CREB5: variants seen among roughly 807,000 people sequenced by gnomAD.
CREB5 encodes the protein cyclic AMP-responsive element-binding protein 5.
CREB5 carries 19 observed loss-of-function variants against 57.1 expected under a neutral mutation model. The observed-to-expected ratio is 0.33, with a 90% CI of 0.23 to 0.49. The LOEUF (loss-of-function observed/expected upper bound fraction) is 0.49, where lower values mean the gene tolerates loss of function less well. Among genes scored for constraint, CREB5 ranks in the 20% least tolerant of loss-of-function variants. The pLI, the probability that CREB5 is intolerant of heterozygous loss-of-function variation, is 0.99. For synonymous variants in CREB5, 238 were observed against 238.3 expected, an observed-to-expected ratio of 1.00 and a Z score of 0.01; for missense variants, 579 against 671.6, an observed-to-expected ratio of 0.86 and a Z score of 1.52.
intron 1 of CREB5, among the ~76,000 whole-genome samples, chr7:28,352,564 C>A (rs7796544): frequency 0.24 from 36,832 of 152,058 alleles, 4,595 homozygotes; most frequent in African/African-American, 0.25. Flanking sequence ...TTGCTCAGCT[C>A]TTCTCAGTGT....
intron 5 of CREB5, among the ~76,000 whole-genome samples, chr7:28,649,801 A>C (rs1799053909): frequency 6.6e-6 from 1 of 152,200 alleles, no homozygotes; most frequent in Non-Finnish European, 1.5e-5. Flanking sequence ...TGAATAAATA[A>C]ATTATGTTTG....
At chr7:28,429,744 A>C (rs1318355070) in intron 1 of CREB5, among the ~76,000 whole-genome samples, 1 of 152,216 alleles carries the variant, frequency 6.6e-6, no homozygotes, top group Non-Finnish European at 1.5e-5. Flanking sequence ...ACTTTGTTGC[A>C]TTTCTGTGGA....
chr7:28,677,345 G>A (rs1408432008), intron 5 of CREB5, among the ~76,000 whole-genome samples: 1 of 152,024 alleles, frequency 6.6e-6, no homozygotes, highest in Non-Finnish European at 1.5e-5. Flanking sequence ...GCCCCACCTT[G>A]ACCTATATAA....
At chr7:28,627,202 T>C (rs1319993464) in intron 5 of CREB5, among the ~76,000 whole-genome samples, 2 of 152,258 alleles carry the variant, frequency 1.3e-5, no homozygotes, top group African/African-American at 4.8e-5. Flanking sequence ...AAAATGTCTA[T>C]CACAGTTGCC....
At chr7:28,673,181 G>A (rs1800135796) in intron 5 of CREB5, among the ~76,000 whole-genome samples, 1 of 152,186 alleles carries the variant, frequency 6.6e-6, no homozygotes, top group African/African-American at 2.4e-5. Context: ...ATTAATTGGT[G>A]TTTGCAATCT....
rs546619228 is a variant in CREB5, at chr7:28,683,209, G to A, written c.465-35544G>A. Among the ~76,000 whole-genome samples, 14 of 152,264 alleles carry A rather than the reference G, an allele frequency of 9.2e-5. No homozygotes were observed. In the South Asian group the frequency reaches 2.9e-3, roughly 32 times the overall value. ...GGGTAGGGGAGAAGGCCAAATGGGT[G>A]AAAAAGGAATCTCTTGAGTCAGAGG... On this transcript the variant is annotated intron_variant, in intron 5 of 10. Coordinates refer to ENST00000357727, the MANE Select transcript of CREB5 (RefSeq NM_182898.4).
intron 1 of CREB5, among the ~76,000 whole-genome samples, chr7:28,312,235 C>G (rs916189421): frequency 6.6e-6 from 1 of 151,266 alleles, no homozygotes; most frequent in African/African-American, 2.4e-5. Flanking sequence ...GCCTAGTTGG[C>G]TTACAAGGGT....
chr7:28,775,385 C>T (rs1806560572), intron 7 of CREB5, among the ~76,000 whole-genome samples: 1 of 151,972 alleles, frequency 6.6e-6, no homozygotes, highest in South Asian at 2.1e-4. Flanking sequence ...ATGTTGAAGA[C>T]ATACAGAACT....
intron 5 of CREB5, among the ~76,000 whole-genome samples, chr7:28,617,991 C>A (rs1383203851): frequency 2.6e-5 from 4 of 152,074 alleles, no homozygotes; most frequent in Admixed American, 6.6e-5. Context: ...ATGAGGCAAA[C>A]TTTGAAAGCG....
intron 1 of CREB5, among the ~76,000 whole-genome samples, chr7:28,379,842 C>T (rs1228928882): frequency 6.6e-6 from 1 of 152,242 alleles, no homozygotes; most frequent in Non-Finnish European, 1.5e-5. Flanking sequence ...CTTGAGCCCC[C>T]ACCTCAGATC....
At chr7:28,471,601 G>A (rs1000241839) in intron 1 of CREB5, among the ~76,000 whole-genome samples, 2 of 151,998 alleles carry the variant, frequency 1.3e-5, no homozygotes, top group South Asian at 2.1e-4. Context: ...TTATCACAAC[G>A]CTGTGTGAAA....
intron 5 of CREB5, among the ~76,000 whole-genome samples, chr7:28,695,346 G>T (rs940031630): frequency 6.6e-6 from 1 of 152,330 alleles, no homozygotes; most frequent in African/African-American, 2.4e-5. Flanking sequence ...GCCCTGCCAG[G>T]CCAGTGAGCT....
intron 7 of CREB5, among the ~76,000 whole-genome samples, chr7:28,776,295 G>A (rs1323543095): frequency 2.1e-5 from 3 of 146,270 alleles, no homozygotes; most frequent in African/African-American, 5.1e-5. Context: ...CCGAGATAGC[G>A]CCACTGCACT....
At chr7:28,814,503 A>G (rs1366689401) in intron 9 of CREB5, among the ~76,000 whole-genome samples, 1 of 152,212 alleles carries the variant, frequency 6.6e-6, no homozygotes, top group Non-Finnish European at 1.5e-5. Context: ...GAGGTGCTAG[A>G]ACTGGCTCCC....
intron 5 of CREB5, chr7:28,608,955 C>T (rs1797283831): frequency 6.6e-6 from 1 of 152,276 alleles, no homozygotes; most frequent in African/African-American, 2.4e-5. Context: ...GATTAGTCAT[C>T]AGTGTTCATT....
intron 1 of CREB5, among the ~76,000 whole-genome samples, chr7:28,414,375 TG>T (rs1787944233): frequency 6.6e-6 from 1 of 152,114 alleles, no homozygotes; most frequent in African/African-American, 2.4e-5. Flanking sequence ...GACTACCAGC[TG>T]TATTATGGGA....
At chr7:28,671,128 G>T (rs1248091188) in intron 5 of CREB5, among the ~76,000 whole-genome samples, 1 of 151,950 alleles carries the variant, frequency 6.6e-6, no homozygotes, top group African/African-American at 2.4e-5. Context: ...AGCAGGACAG[G>T]CCTGTAGTCC....
chr7:28,689,526 A>G (rs1801137209), intron 5 of CREB5, among the ~76,000 whole-genome samples: 1 of 152,160 alleles, frequency 6.6e-6, no homozygotes, highest in Non-Finnish European at 1.5e-5. Flanking sequence ...GTTACCCTCA[A>G]TGGTAACATC....
chr7:28,697,837 G>A (rs1379054931), intron 5 of CREB5, among the ~76,000 whole-genome samples: 3 of 152,138 alleles, frequency 2.0e-5, no homozygotes, highest in Non-Finnish European at 4.4e-5. Flanking sequence ...GACACGTGTG[G>A]ATGTTTATTT....
Sources: allele counts gnomAD v4.1 joint callset (sites outside exome capture counted in the v4.1 genomes callset), GRCh38; gene constraint gnomAD v4.1.1; transcripts MANE v1.5; gene names NCBI Gene and HGNC (gene_info 2026-07-23, HGNC 2026-07-21).